SMCO4: variants seen among roughly 807,000 people sequenced by gnomAD.
SMCO4 encodes single-pass membrane protein with coiled-coil domains 4, also known as single-pass membrane and coiled-coil domain-containing protein 4.
Under a neutral mutation model 3.6 loss-of-function variants are expected in SMCO4, and 4 were observed. That is an observed-to-expected ratio of 1.11 (90% CI 0.54 to 2.53). The LOEUF is 2.53. SMCO4 is among the 30% of genes most tolerant of loss of function. The pLI is 0.02. For synonymous variants in SMCO4, 36 were observed against 35.3 expected (o/e 1.02, Z -0.07); for missense variants, 70 against 80.8 (o/e 0.87, Z 0.51).
At chr11:93,531,076 C>T (rs1381453124) in intron 1 of SMCO4, among the ~76,000 whole-genome samples, 1 of 152,160 alleles carries the variant, frequency 6.6e-6, no homozygotes, top group African/African-American at 2.4e-5. Flanking sequence ...AAAGATTATT[C>T]CTTGTATGTC....
At chr11:93,522,204 T>C (rs1390792848) in intron 1 of SMCO4, among the ~76,000 whole-genome samples, 1 of 152,210 alleles carries the variant, frequency 6.6e-6, no homozygotes, top group Non-Finnish European at 1.5e-5. Context: ...CAGGGGCAGA[T>C]GCACCAGCAT....
At chr11:93,534,369 T>C (rs368691873) in intron 1 of SMCO4, among the ~76,000 whole-genome samples, 1 of 99,692 alleles carries the variant, frequency 1.0e-5, no homozygotes, top group Non-Finnish European at 2.3e-5. Context: ...TATATATATA[T>C]ATATATAGAG....
At chr11:93,498,021 A>G (rs1476078184) in intron 2 of SMCO4, among the ~76,000 whole-genome samples, 1 of 152,222 alleles carries the variant, frequency 6.6e-6, no homozygotes, top group Non-Finnish European at 1.5e-5. Flanking sequence ...AGATTTGCAC[A>G]CACTTGCGAA....
intron 2 of SMCO4, among the ~76,000 whole-genome samples, chr11:93,483,146 G>GT (rs909232493): frequency 2.0e-5 from 3 of 152,162 alleles, no homozygotes; most frequent in Non-Finnish European, 2.9e-5. Flanking sequence ...AAAGGCTTCT[G>GT]TTTTTTTCAA....
the SMCO4 span, among the ~76,000 whole-genome samples, chr11:93,552,926 G>T: frequency 6.6e-6 from 1 of 152,010 alleles, no homozygotes; most frequent in Admixed American, 6.5e-5. Flanking sequence ...ATCAAGGTGT[G>T]CAACTTTCCC....
At chr11:93,551,422 C>T in the SMCO4 span, among the ~76,000 whole-genome samples, 1 of 152,128 alleles carries the variant, frequency 6.6e-6, no homozygotes, top group African/African-American at 2.4e-5. Context: ...TGCAACTTCT[C>T]GGTGCATCAT....
intron 1 of SMCO4, among the ~76,000 whole-genome samples, chr11:93,512,565 T>A (rs953683377): frequency 6.6e-6 from 1 of 152,222 alleles, no homozygotes; most frequent in Non-Finnish European, 1.5e-5. Context: ...ACCTTTTATA[T>A]GTTTAGATAC....
At chr11:93,489,297 G>A (rs556128770) in intron 2 of SMCO4, among the ~76,000 whole-genome samples, 32 of 152,310 alleles carry the variant, frequency 2.1e-4, no homozygotes, top group Middle Eastern at 3.4e-3. Flanking sequence ...TACATAGTAG[G>A]TATAATATAA....
At chr11:93,496,909 A>G (rs964644630) in intron 2 of SMCO4, among the ~76,000 whole-genome samples, 5 of 152,292 alleles carry the variant, frequency 3.3e-5, no homozygotes, top group East Asian at 1.9e-4. Context: ...CTGGGCCCCA[A>G]CGCTTACACT....
intron 1 of SMCO4, among the ~76,000 whole-genome samples, chr11:93,515,554 A>T (rs1949001036): frequency 6.6e-6 from 1 of 152,210 alleles, no homozygotes; most frequent in Non-Finnish European, 1.5e-5. Context: ...GGCAAAAGAA[A>T]ATTTGAAATA....
intron 1 of SMCO4, among the ~76,000 whole-genome samples, chr11:93,515,889 T>C (rs970710454): frequency 2.4e-4 from 37 of 152,152 alleles, no homozygotes; most frequent in African/African-American, 7.7e-4. Flanking sequence ...AAGACACCTA[T>C]CCATCAAATC....
chr11:93,504,736 T>A (rs931249605), intron 1 of SMCO4, among the ~76,000 whole-genome samples: 1 of 152,196 alleles, frequency 6.6e-6, no homozygotes, highest in Non-Finnish European at 1.5e-5. Context: ...ACAAATAGTA[T>A]ATTAACATTT....
At chr11:93,483,520 TG>T (rs2134569569) in intron 2 of SMCO4, among the ~76,000 whole-genome samples, 1 of 152,208 alleles carries the variant, frequency 6.6e-6, no homozygotes, top group African/African-American at 2.4e-5. Context: ...GAGAGAGGCC[TG>T]GGGGTGGAGG....
upstream of SMCO4, among the ~76,000 whole-genome samples, chr11:93,546,762 A>G (rs1035664156): frequency 1.3e-5 from 2 of 151,970 alleles, no homozygotes; most frequent in Admixed American, 6.6e-5. Context: ...TAACTTTCCT[A>G]TGTGCTGGTG....
rs576629588 is a variant in SMCO4 at position 93,515,755 on chromosome 11, T to C, written c.-153-16407A>G. Among the ~76,000 whole-genome samples, 3 of 152,354 alleles carry C rather than the reference T, an allele frequency of 2.0e-5. No homozygotes were observed. In the East Asian group the frequency reaches 5.8e-4, roughly 29 times the overall value. On this transcript the variant is annotated intron_variant, in intron 1 of 2. Transcript: ENST00000298966. ...TCCACCACCCCAGAAGAAAAGGCTC[T>C]TGGGCCTCAAGTTCAAAATTCCAGG...
At chr11:93,540,186 T>C (rs3793995) in intron 1 of SMCO4, among the ~76,000 whole-genome samples, 18,521 of 152,154 alleles carry the variant, frequency 0.12, 1,468 homozygotes, top group Non-Finnish European at 0.18. Flanking sequence ...CTTTAAGCCT[T>C]TTCCCCCTGA....
At chr11:93,552,508 G>A in the SMCO4 span, among the ~76,000 whole-genome samples, 606 of 148,492 alleles carry the variant, frequency 4.1e-3, 3 homozygotes, top group South Asian at 0.018. Context: ...GTCTCGATCT[G>A]TTCCCCAGGC....
At chr11:93,515,799 T>A (rs1445008022) in intron 1 of SMCO4, among the ~76,000 whole-genome samples, 3 of 152,192 alleles carry the variant, frequency 2.0e-5, no homozygotes, top group African/African-American at 7.2e-5. Flanking sequence ...CTTGAACAAA[T>A]GTGCACTACA....
At chr11:93,549,637 T>TA in the SMCO4 span, among the ~76,000 whole-genome samples, 1 of 151,640 alleles carries the variant, frequency 6.6e-6, no homozygotes, top group Non-Finnish European at 1.5e-5. Flanking sequence ...TTTTTTTTTT[T>TA]ATGTTGAGAC....
Sources: allele counts gnomAD v4.1 joint callset (sites outside exome capture counted in the v4.1 genomes callset), GRCh38; gene constraint gnomAD v4.1.1; transcripts MANE v1.5; gene names NCBI Gene and HGNC (gene_info 2026-07-23, HGNC 2026-07-21).